PCDHGA3: variants seen among roughly 807,000 people sequenced by gnomAD.
PCDHGA3 encodes protocadherin gamma-A3.
A neutral mutation model predicts 58.5 loss-of-function variants in PCDHGA3; 40 were observed. The ratio of observed to expected loss-of-function variants is 0.68; its 90% CI spans 0.53 to 0.89. The LOEUF (loss-of-function observed/expected upper bound fraction) is 0.89. Among genes scored for constraint, PCDHGA3 ranks in the 40% least tolerant of loss-of-function variants. The probability of loss-of-function intolerance (pLI) is 0.00; values close to 1 mark genes in which losing one functional copy is unlikely to be tolerated. For synonymous variants in PCDHGA3, 530 were observed against 525.7 expected, an observed-to-expected ratio of 1.01 and a Z score of -0.11; for missense variants, 1,223 against 1,195.9, an observed-to-expected ratio of 1.02 and a Z score of -0.33.
intron 1 of PCDHGA3, chr5:141,413,395 G>C: frequency 6.2e-7 from 1 of 1,614,050 alleles, no homozygotes; most frequent in Non-Finnish European, 8.5e-7. Context: ...AGTCTCCAGA[G>C]GTAGGACGCA....
Position 141,470,128 on chromosome 5 carries a change from CA to C in PCDHGA3, c.2425-24670del, listed in dbSNP as rs200356364. Among the ~76,000 whole-genome samples, 62 of 150,148 alleles carry C rather than the reference CA, an allele frequency of 4.1e-4. 1 individual carries two copies. Among genetic ancestry groups the C allele is most frequent in the Middle Eastern group, 3.4e-3 (1 of 294 alleles). On this transcript the variant is annotated intron_variant, in intron 1 of 3. Coordinates refer to ENST00000253812, the MANE Select transcript of PCDHGA3 (RefSeq NM_018916.4). ...TGAGCAACAGAGCAAGACTTCGTCTCAAAAAAAAAGATCATAGATCATCTTA... is the reference window on the plus strand; with the variant it reads ...TGAGCAACAGAGCAAGACTTCGTCTCAAAAAAAAGATCATAGATCATCTTA...
rs769671283 is a variant in PCDHGA3, at chr5:141,511,391, C to A, written c.*218C>A. 1 of 1,079,748 alleles carries A rather than the reference C, an allele frequency of 9.3e-7. No homozygotes were observed. The allele number at this position is 1,079,748 out of a possible 1,614,324, so 66.9% of individuals were successfully genotyped here. On this transcript the variant is annotated 3_prime_UTR_variant, in exon 4 of 4. Transcript: ENST00000253812. ...TGCAAAAGCAGTTCCGCTGGGAACC[C>A]CCATCCAATCAACTGCTGTACCCAT...
intron 1 of PCDHGA3, chr5:141,441,780 C>A: frequency 2.6e-6 from 1 of 391,236 alleles, no homozygotes. Flanking sequence ...GGTGGACGAC[C>A]TGAATGACAA....
intron 1 of PCDHGA3, chr5:141,421,126 T>G: frequency 1.2e-6 from 1 of 805,588 alleles, no homozygotes; most frequent in Non-Finnish European, 1.9e-6. Context: ...CTTCGCTTTC[T>G]GATATATTTT....
At chr5:141,450,014 T>A (rs867473620) in intron 1 of PCDHGA3, among the ~76,000 whole-genome samples, 7,114 of 149,588 alleles carry the variant, frequency 0.048, 422 homozygotes, top group African/African-American at 0.13. Context: ...CTCTTTTTTT[T>A]TTTTTTTTTT....
intron 2 of PCDHGA3, among the ~76,000 whole-genome samples, chr5:141,498,260 A>C (rs1044675509): frequency 6.6e-6 from 1 of 152,140 alleles, no homozygotes; most frequent in Non-Finnish European, 1.5e-5. Flanking sequence ...GCTGGTGTTG[A>C]GTTCTTCAGT....
intron 1 of PCDHGA3, among the ~76,000 whole-genome samples, chr5:141,401,455 A>G (rs1589438348): frequency 6.6e-6 from 1 of 152,256 alleles, no homozygotes; most frequent in East Asian, 1.9e-4. Flanking sequence ...AATCATCCAA[A>G]TAATTTTCTA....
At chr5:141,361,570 C>T in intron 1 of PCDHGA3, 1 of 1,614,036 alleles carries the variant, frequency 6.2e-7, no homozygotes, top group Non-Finnish European at 8.5e-7. Context: ...TGCCTCTGAC[C>T]CTGACTTGGG....
chr5:141,432,196 C>G lies in PCDHGA3; in HGVS notation c.2425-62611C>G, dbSNP rs200790843. ...TCGTCTCTGTGACCGCCCACGACCC[C>G]GACTGTGAAGAGAACGCCCAGATCA... On this transcript the variant is annotated intron_variant, in intron 1 of 3. Transcript: ENST00000253812. The surrounding 1 kb of genome is among the most constrained non-coding windows in gnomAD (Gnocchi z 6.0). The G allele has an allele frequency of 6.2e-7, 1 of 1,614,192 alleles. No individual in the cohort carries two copies. Among genetic ancestry groups the G allele is most frequent in the East Asian group, 2.2e-5 (1 of 44,880 alleles).
Position 141,352,700 on chromosome 5 carries a change from T to C in PCDHGA3, c.2424+6243T>C, listed in dbSNP as rs10043892. On this transcript the variant is annotated intron_variant, in intron 1 of 3. Transcript: ENST00000253812. ...TTTCTGCAAATCTAGTTAAATTTTA[T>C]ATATGGCGGCCGGGCGCGGTGGCTC... 4.8e-4 allele frequency: 746 copies of C among 1,549,878 alleles called. 3 individuals are homozygous for C. In the African/African-American group the frequency reaches 8.8e-3, roughly 18 times the overall value.
At position 141,393,784 on chromosome 5, in the gene PCDHGA3, T is replaced by A. The variant is rs1554094164; in HGVS notation, c.2424+47327T>A. 3 of 1,613,864 alleles carry A rather than the reference T, an allele frequency of 1.9e-6. No homozygotes were observed. The South Asian group carries it at 3.3e-5, about 18-fold the overall frequency. ...GAAATGGAAATACAAGCCGAAGATG[T>A]GGGGGCACTTCTGGGGAGGACCAAA... On this transcript the variant is annotated intron_variant, in intron 1 of 3. Coordinates refer to ENST00000253812, the MANE Select transcript of PCDHGA3 (RefSeq NM_018916.4).
At chr5:141,356,896 A>G in intron 1 of PCDHGA3, 2 of 1,614,052 alleles carry the variant, frequency 1.2e-6, no homozygotes, top group Non-Finnish European at 1.7e-6. Flanking sequence ...CCTGTACCCC[A>G]CCTTCCCTAC....
rs1299607088 is a variant in PCDHGA3 at position 141,472,933 on chromosome 5, C to T, written c.2425-21874C>T. ...CCCAAGAGGAGGAGGTTGTGGTGAG[C>T]CAAGATTATGCCATTGCACTCCAGC... On this transcript the variant is annotated intron_variant, in intron 1 of 3. Coordinates refer to ENST00000253812, the MANE Select transcript of PCDHGA3 (RefSeq NM_018916.4). Among the ~76,000 whole-genome samples, 4 of 143,758 alleles carry T rather than the reference C, an allele frequency of 2.8e-5. No individual in the cohort carries two copies. In the Admixed American group the frequency reaches 2.9e-4, roughly 10 times the overall value. 94.3% of individuals were successfully genotyped at this position (143,758 alleles called of 152,430 possible). A position where few individuals can be genotyped will look rare whatever the true frequency, so the allele number is the denominator to read the frequency against.
intron 1 of PCDHGA3, chr5:141,365,447 G>T (rs931548015): frequency 6.2e-7 from 1 of 1,614,034 alleles, no homozygotes; most frequent in Middle Eastern, 1.6e-4. Context: ...TAGCGTACAT[G>T]ATGGTGATTC....
intron 1 of PCDHGA3, chr5:141,350,436 T>C (rs762811863): frequency 2.3e-5 from 37 of 1,610,426 alleles, no homozygotes; most frequent in Non-Finnish European, 2.9e-5. Context: ...GTCCGGGAGT[T>C]GCCAACTCGA....
At chr5:141,413,827 G>A (rs2154544774) in intron 1 of PCDHGA3, 1 of 1,613,200 alleles carries the variant, frequency 6.2e-7, no homozygotes. Context: ...GGTCCTCACC[G>A]CCTCCGACGG....
At chr5:141,392,957 C>T in intron 1 of PCDHGA3, 1 of 1,613,932 alleles carries the variant, frequency 6.2e-7, no homozygotes, top group Non-Finnish European at 8.5e-7. Flanking sequence ...TGGGTAATAT[C>T]TCCAAGGACC....
intron 1 of PCDHGA3, among the ~76,000 whole-genome samples, chr5:141,462,550 A>G (rs1485478117): frequency 6.6e-6 from 1 of 151,942 alleles, no homozygotes; most frequent in East Asian, 1.9e-4. Flanking sequence ...TTTCTTCTTC[A>G]GTGTTTACTG....
At chr5:141,460,817 A>G (rs527681610) in intron 1 of PCDHGA3, among the ~76,000 whole-genome samples, 3 of 152,126 alleles carry the variant, frequency 2.0e-5, no homozygotes, top group South Asian at 2.1e-4. Context: ...ATGTATACAT[A>G]TATACACACT....
Sources: gnomAD v4.1 joint callset for allele counts (sites outside exome capture counted in the v4.1 genomes callset) on GRCh38, gnomAD v4.1.1 for gene constraint, Gnocchi (gnomAD v3.1) non-coding constraint, MANE v1.5 for transcripts, NCBI Gene and HGNC (gene_info 2026-07-23, HGNC 2026-07-21) for gene names.